The following TAFA5 variants were observed in gnomAD, a reference collection of about 807,000 sequenced individuals.
The protein encoded by TAFA5 is TAFA chemokine like family member 5, also known as chemokine-like protein TAFA-5.
TAFA5 carries 6 observed loss-of-function variants against 15.3 expected under a neutral mutation model. The ratio of observed to expected loss-of-function variants is 0.39; its 90% CI spans 0.21 to 0.77. The LOEUF is 0.77. Among genes scored for constraint, TAFA5 ranks in the 30% least tolerant of loss-of-function variants. The pLI, the probability that TAFA5 is intolerant of heterozygous loss-of-function variation, is 0.41. For synonymous variants in TAFA5, 103 were observed against 80.7 expected (o/e 1.28, Z -1.48); for missense variants, 161 against 193.1 (o/e 0.83, Z 0.98).
At chr22:48,539,332 G>C (rs905033211) in intron 1 of TAFA5, 1 of 469,264 alleles carries the variant, frequency 2.1e-6, no homozygotes, top group South Asian at 1.6e-5. Context: ...AGGCAAAGCC[G>C]ATACCCTAAT....
At chr22:48,492,592 A>G (rs758247306) in intron 1 of TAFA5, among the ~76,000 whole-genome samples, 3 of 152,160 alleles carry the variant, frequency 2.0e-5, no homozygotes, top group Non-Finnish European at 4.4e-5. Flanking sequence ...CAGTCCACCA[A>G]TTAGGCTAGT....
intron 1 of TAFA5, among the ~76,000 whole-genome samples, chr22:48,562,867 G>A (rs971731141): frequency 1.3e-5 from 2 of 152,144 alleles, no homozygotes; most frequent in African/African-American, 4.8e-5. Flanking sequence ...AACCACACGG[G>A]GCCCCACTTG....
At chr22:48,526,533 C>T (rs905311499) in intron 1 of TAFA5, among the ~76,000 whole-genome samples, 1 of 152,238 alleles carries the variant, frequency 6.6e-6, no homozygotes, top group African/African-American at 2.4e-5. Context: ...TCCTGGTTAA[C>T]TCTGCGTGCC....
At chr22:48,739,748 G>T (rs772915852) in intron 3 of TAFA5, among the ~76,000 whole-genome samples, 1 of 152,220 alleles carries the variant, frequency 6.6e-6, no homozygotes, top group South Asian at 2.1e-4. Context: ...CTGCCTCTCT[G>T]TGTTTGTCGT....
intron 2 of TAFA5, among the ~76,000 whole-genome samples, chr22:48,672,873 C>T (rs1013203321): frequency 3.3e-5 from 5 of 152,168 alleles, no homozygotes; most frequent in Non-Finnish European, 5.9e-5. Context: ...GGAAATAGAA[C>T]CTCAACACCC....
intron 1 of TAFA5, among the ~76,000 whole-genome samples, chr22:48,523,813 G>T (rs1304331619): frequency 6.6e-6 from 1 of 152,346 alleles, no homozygotes; most frequent in Non-Finnish European, 1.5e-5. Flanking sequence ...CACAAGGCCA[G>T]TCTGGGTGTG....
At chr22:48,524,808 C>T (rs973823716) in intron 1 of TAFA5, among the ~76,000 whole-genome samples, 1 of 152,154 alleles carries the variant, frequency 6.6e-6, no homozygotes, top group Non-Finnish European at 1.5e-5. Flanking sequence ...CAGTGACTCC[C>T]TGTCCCTGCT....
intron 1 of TAFA5, among the ~76,000 whole-genome samples, chr22:48,619,576 G>A (rs1271328717): frequency 1.3e-5 from 2 of 152,178 alleles, no homozygotes; most frequent in East Asian, 1.9e-4. Context: ...GGCTAGTCTC[G>A]ATCTCTTGAC....
At chr22:48,596,888 A>G (rs969163299) in intron 1 of TAFA5, among the ~76,000 whole-genome samples, 2 of 152,180 alleles carry the variant, frequency 1.3e-5, no homozygotes, top group Admixed American at 6.5e-5. Context: ...AGCTCACTGC[A>G]GCCTTCACCT....
At chr22:48,572,080 G>C (rs1216184539) in intron 1 of TAFA5, among the ~76,000 whole-genome samples, 1 of 152,088 alleles carries the variant, frequency 6.6e-6, no homozygotes, top group East Asian at 1.9e-4. Flanking sequence ...ATACTATTTA[G>C]AATAATCACA....
intron 3 of TAFA5, among the ~76,000 whole-genome samples, chr22:48,716,156 G>C (rs753177880): frequency 2.6e-5 from 4 of 152,162 alleles, no homozygotes; most frequent in Non-Finnish European, 4.4e-5. Context: ...TAGCCTTGTA[G>C]TATAGTTTGA....
intron 1 of TAFA5, among the ~76,000 whole-genome samples, chr22:48,535,844 TCACA>T (rs370033519): frequency 6.8e-6 from 1 of 146,128 alleles, no homozygotes; most frequent in Admixed American, 6.8e-5. Flanking sequence ...TGCACACACA[TCACA>T]CACGGTCACA....
chr22:48,633,679 C>T (rs1926330136), intron 1 of TAFA5, among the ~76,000 whole-genome samples: 1 of 151,102 alleles, frequency 6.6e-6, no homozygotes, highest in Non-Finnish European at 1.5e-5. Context: ...TTGGTGGGGG[C>T]GGCTGGGGGT....
chr22:48,622,161 G>A (rs749849180), intron 1 of TAFA5, among the ~76,000 whole-genome samples: 1 of 152,120 alleles, frequency 6.6e-6, no homozygotes, highest in Non-Finnish European at 1.5e-5. Flanking sequence ...CAGGGGTACC[G>A]GGGGCCCACC....
chr22:48,513,200 A>C (rs1241203940), intron 1 of TAFA5, among the ~76,000 whole-genome samples: 1 of 152,230 alleles, frequency 6.6e-6, no homozygotes, highest in Non-Finnish European at 1.5e-5. Flanking sequence ...GTCTACAGGA[A>C]GTCCTCACTC....
At chr22:48,660,686 T>TC (rs1927405570) in intron 2 of TAFA5, among the ~76,000 whole-genome samples, 1 of 152,170 alleles carries the variant, frequency 6.6e-6, no homozygotes, top group Non-Finnish European at 1.5e-5. Flanking sequence ...TGTGCTGGGA[T>TC]CGCCCCACTG....
At chr22:48,659,972 G>C (rs140850855) in intron 2 of TAFA5, among the ~76,000 whole-genome samples, 30 of 152,284 alleles carry the variant, frequency 2.0e-4, no homozygotes, top group African/African-American at 6.5e-4. Flanking sequence ...TGACTTGGAG[G>C]GGGGTGAGTG....
rs1372741757 is a variant in TAFA5 at position 48,750,090 on chromosome 22, G to A, written c.*243G>A. Reference sequence around the variant, plus strand: ...GGGCGGCACCTGGCATCAGCAATACGCAGTCTGTGGGAGCCCGGCCGCGCC... The same window carrying A: ...GGGCGGCACCTGGCATCAGCAATACACAGTCTGTGGGAGCCCGGCCGCGCC... On this transcript the variant is annotated 3_prime_UTR_variant, in exon 4 of 4. Transcript: ENST00000402357. 13 of 573,132 alleles carry A rather than the reference G, an allele frequency of 2.3e-5. No homozygotes were observed. Among genetic ancestry groups the A allele is most frequent in the Non-Finnish European group, 3.4e-5 (11 of 321,038 alleles). The allele number at this position is 573,132 out of a possible 1,614,324, so 35.5% of individuals were successfully genotyped here. A position where few individuals can be genotyped will look rare whatever the true frequency, so the allele number is the denominator to read the frequency against.
intron 1 of TAFA5, among the ~76,000 whole-genome samples, chr22:48,584,900 T>TCACACACACACACCACGCA (rs1924279838): frequency 1.7e-5 from 2 of 118,990 alleles, no homozygotes; most frequent in Non-Finnish European, 3.5e-5. Flanking sequence ...AAAATACATC[T>TCACACACACACACCACGCA]CACACACACA....
Sources: gnomAD v4.1 joint callset for allele counts (sites outside exome capture counted in the v4.1 genomes callset) on GRCh38, gnomAD v4.1.1 for gene constraint, MANE v1.5 for transcripts, NCBI Gene and HGNC (gene_info 2026-07-23, HGNC 2026-07-21) for gene names.